Variants in CADPS2 observed in about 807,000 individuals in gnomAD.
The protein encoded by CADPS2 is calcium-dependent secretion activator 2.
A neutral mutation model predicts 172.5 loss-of-function variants in CADPS2; 93 were observed. The ratio of observed to expected loss-of-function variants is 0.54; its 90% CI spans 0.46 to 0.64. The LOEUF (loss-of-function observed/expected upper bound fraction) is 0.64. CADPS2 is among the 30% of genes least tolerant of loss of function. CADPS2 has a pLI of 0.00. For synonymous variants in CADPS2, 546 were observed against 555.2 expected (o/e 0.98, Z 0.23); for missense variants, 1,420 against 1,565.9 (o/e 0.91, Z 1.57).
intron 1 of CADPS2, among the ~76,000 whole-genome samples, chr7:122,875,929 A>T: frequency 6.6e-6 from 1 of 152,180 alleles, no homozygotes; most frequent in Non-Finnish European, 1.5e-5. Context: ...TAAAAGCAAC[A>T]ACAAAAGACA....
In CADPS2 at chr7:122,704,910, GCA is replaced by G. The variant is rs564164567; in HGVS notation, c.453+32043_453+32044del. ...CGTTGCCACTAAAACATCTGAAAAT[GCA>G]CATAGTAGCTCCACATAATAAGAAA... is the stretch of plus-strand genomic sequence containing the variant. On this transcript the variant is annotated intron_variant, in intron 2 of 29. Transcript: ENST00000449022. Among the ~76,000 whole-genome samples the G allele has an allele frequency of 4.7e-4, 72 of 152,058 alleles. No individual in the cohort carries two copies. The Middle Eastern group carries it at 0.024, about 50-fold the overall frequency.
intron 15 of CADPS2, among the ~76,000 whole-genome samples, chr7:122,445,360 C>T (rs2052016191): frequency 6.6e-6 from 1 of 151,960 alleles, no homozygotes; most frequent in Non-Finnish European, 1.5e-5. Context: ...TTTAGGTTTT[C>T]TTTAATTTTT....
Position 122,329,892 on chromosome 7 carries a change from C to T in CADPS2, c.3613-4311G>A, listed in dbSNP as rs147553888. Among the ~76,000 whole-genome samples the T allele has an allele frequency of 3.8e-3, 575 of 152,208 alleles. 3 individuals carry two copies. Among genetic ancestry groups the T allele is most frequent in the African/African-American group, 0.011 (462 of 41,526 alleles). ...CAAGCAAATGATTTTTGTCAGAATGCGGCTTCTGATGATGATGGCAAGGTA... is the reference window on the plus strand; with the variant it reads ...CAAGCAAATGATTTTTGTCAGAATGTGGCTTCTGATGATGATGGCAAGGTA... On this transcript the variant is annotated intron_variant, in intron 28 of 29. Coordinates refer to ENST00000449022, the MANE Select transcript of CADPS2 (RefSeq NM_017954.11).
At chr7:122,808,962 T>C (rs1340540131) in intron 1 of CADPS2, among the ~76,000 whole-genome samples, 1 of 152,192 alleles carries the variant, frequency 6.6e-6, no homozygotes, top group Admixed American at 6.5e-5. Context: ...TTTCATTAAA[T>C]GTAGGACTAT....
intron 20 of CADPS2, among the ~76,000 whole-genome samples, chr7:122,395,991 G>A (rs1190715711): frequency 6.6e-6 from 1 of 151,912 alleles, no homozygotes; most frequent in Non-Finnish European, 1.5e-5. Flanking sequence ...TGTATTTTTG[G>A]TAGAGACAGG....
At chr7:122,668,900 C>T (rs1328814797) in intron 2 of CADPS2, among the ~76,000 whole-genome samples, 21 of 152,160 alleles carry the variant, frequency 1.4e-4, no homozygotes, top group Admixed American at 1.4e-3. Flanking sequence ...TTTGTTTCCG[C>T]ATATAACATC....
At chr7:122,740,780 A>G (rs535103484) in intron 1 of CADPS2, among the ~76,000 whole-genome samples, 3 of 152,310 alleles carry the variant, frequency 2.0e-5, no homozygotes, top group Middle Eastern at 3.4e-3. Flanking sequence ...CAAAGAGTTC[A>G]TTTCTAACCA....
chr7:122,756,866 C>T (rs1395629855), intron 1 of CADPS2, among the ~76,000 whole-genome samples: 1 of 151,666 alleles, frequency 6.6e-6, no homozygotes. Flanking sequence ...CGCCACTGCA[C>T]TCCAGCCTGG....
chr7:122,514,810 G>C (rs962061947), intron 8 of CADPS2, among the ~76,000 whole-genome samples: 1 of 152,020 alleles, frequency 6.6e-6, no homozygotes, highest in Admixed American at 6.6e-5. Flanking sequence ...ATGAAATTAT[G>C]TTTTTGATAA....
intron 1 of CADPS2, among the ~76,000 whole-genome samples, chr7:122,852,915 C>T (rs1213536883): frequency 1.3e-5 from 2 of 152,140 alleles, no homozygotes; most frequent in Admixed American, 6.5e-5. Context: ...ATTTAGGAGG[C>T]TACTGCAGAA....
chr7:122,714,980 G>A (rs1422911231), intron 2 of CADPS2, among the ~76,000 whole-genome samples: 3 of 152,076 alleles, frequency 2.0e-5, no homozygotes, highest in Non-Finnish European at 2.9e-5. Flanking sequence ...TGAACCACAG[G>A]AAGACATCTC....
chr7:122,460,224 T>C (rs892881871), intron 14 of CADPS2, among the ~76,000 whole-genome samples: 1 of 152,024 alleles, frequency 6.6e-6, no homozygotes. Flanking sequence ...ATATTAAATG[T>C]TGTCCAGCTC....
chr7:122,868,774 A>C (rs540124606), intron 1 of CADPS2, among the ~76,000 whole-genome samples: 2 of 152,336 alleles, frequency 1.3e-5, no homozygotes, highest in East Asian at 1.9e-4. Context: ...AAGGAATTCA[A>C]AAGGACAGTA....
intron 20 of CADPS2, among the ~76,000 whole-genome samples, chr7:122,399,499 A>C (rs2151564413): frequency 6.6e-6 from 1 of 152,188 alleles, no homozygotes; most frequent in South Asian, 2.1e-4. Flanking sequence ...TTTTTAAATG[A>C]AATTATGTAA....
intron 8 of CADPS2, among the ~76,000 whole-genome samples, chr7:122,544,953 G>A (rs2063475144): frequency 6.6e-6 from 1 of 152,088 alleles, no homozygotes; most frequent in Admixed American, 6.6e-5. Context: ...ATTTTACTAA[G>A]TAAGGTCCTA....
intron 20 of CADPS2, among the ~76,000 whole-genome samples, chr7:122,400,656 C>A (rs919558895): frequency 1.1e-4 from 17 of 152,084 alleles, no homozygotes; most frequent in African/African-American, 3.9e-4. Flanking sequence ...ACATTTTGGC[C>A]CTTATTTCAT....
At chr7:122,407,053 A>T (rs1484097502) in intron 20 of CADPS2, among the ~76,000 whole-genome samples, 6 of 152,242 alleles carry the variant, frequency 3.9e-5, no homozygotes, top group Admixed American at 3.9e-4. Flanking sequence ...TAAATGTTGA[A>T]TGAGCAAGTC....
chr7:122,357,115 T>A (rs779582674), intron 27 of CADPS2, among the ~76,000 whole-genome samples: 3 of 152,146 alleles, frequency 2.0e-5, no homozygotes, highest in Non-Finnish European at 2.9e-5. Context: ...AAAGACAAAT[T>A]CACACTGATA....
chr7:122,744,340 C>T (rs1366332453), intron 1 of CADPS2, among the ~76,000 whole-genome samples: 1 of 152,106 alleles, frequency 6.6e-6, no homozygotes, highest in African/African-American at 2.4e-5. Context: ...GAGAAAACCT[C>T]CATACATCCT....
Sources: gnomAD v4.1 joint callset for allele counts (sites outside exome capture counted in the v4.1 genomes callset) on GRCh38, gnomAD v4.1.1 for gene constraint, MANE v1.5 for transcripts, NCBI Gene and HGNC (gene_info 2026-07-23, HGNC 2026-07-21) for gene names.